ANO2: variants seen among roughly 807,000 people sequenced by gnomAD.
ANO2 encodes anoctamin 2, also known as anoctamin-2.
ANO2 carries 101 observed loss-of-function variants against 124.2 expected under a neutral mutation model. The observed-to-expected ratio is 0.81, with a 90% confidence interval of 0.69 to 0.96. ANO2 has a LOEUF of 0.96. ANO2 is among the 40% of genes least tolerant of loss of function. The probability of loss-of-function intolerance (pLI) is 0.00; values close to 1 mark genes in which losing one functional copy is unlikely to be tolerated. For synonymous variants in ANO2, 486 were observed against 482.5 expected (o/e 1.01, Z -0.09); for missense variants, 1,293 against 1,274.5 (o/e 1.01, Z -0.22).
intron 1 of ANO2, among the ~76,000 whole-genome samples, 195 bp downstream of exon 1, chr12:5,945,001 A>G (rs570611107): frequency 3.5e-4 from 53 of 150,484 alleles, no homozygotes; most frequent in African/African-American, 1.2e-3. Flanking sequence ...AAAAACAAAA[A>G]ACGTCTCGGA....
chr12:5,704,697 A>ATGTG (rs3067798), intron 14 of ANO2, among the ~76,000 whole-genome samples: 4,626 of 148,668 alleles, frequency 0.031, 192 homozygotes, highest in East Asian at 0.095. Context: ...TGGTGTGTGT[A>ATGTG]TGTGTGTGTG....
intron 4 of ANO2, among the ~76,000 whole-genome samples, chr12:5,852,848 C>CGTGTGTGTGTGTGTGTGTGT (rs71445682): frequency 8.1e-6 from 1 of 123,880 alleles, no homozygotes; most frequent in Non-Finnish European, 1.7e-5. Context: ...TGGAAAGGGA[C>CGTGTGTGTGTGTGTGTGTGT]GTGTGTGTGT....
chr12:5,667,879 A>G (rs7973353), intron 14 of ANO2, among the ~76,000 whole-genome samples: 65,805 of 152,130 alleles, frequency 0.43, 15,520 homozygotes, highest in Middle Eastern at 0.59. Flanking sequence ...CAAAGAACAT[A>G]ATAACATTCC....
Position 5,732,512 on chromosome 12 carries a change from C to A in ANO2, c.1545+8G>T. On this transcript the variant is annotated splice_region_variant and intron_variant, in intron 14 of 24. Coordinates refer to ENST00000682330, the MANE Select transcript of ANO2 (RefSeq NM_001364791.2). Reference sequence around the variant, plus strand: ...AGAGGACCGTGAGCAGCAAGTCCAGCTTCATACCTCATCGCCACACTCCGT... The same window carrying A: ...AGAGGACCGTGAGCAGCAAGTCCAGATTCATACCTCATCGCCACACTCCGT... 1.2e-6 allele frequency: 2 copies of A among 1,608,770 alleles called. No individual in the cohort carries two copies. Among genetic ancestry groups the A allele is most frequent in the Non-Finnish European group, 8.5e-7 (1 of 1,177,254 alleles).
chr12:5,780,809 A>G (rs1451188355), intron 10 of ANO2, among the ~76,000 whole-genome samples: 2 of 152,176 alleles, frequency 1.3e-5, no homozygotes, highest in African/African-American at 4.8e-5. Context: ...GTATATTTTG[A>G]AGGAGGCCCT....
rs918489552 is a variant in ANO2 at position 5,828,344 on chromosome 12, G to C, written c.841-524C>G. 3.9e-5 allele frequency among the ~76,000 whole-genome samples: 6 copies of C among 152,204 alleles called. No homozygotes were observed. The East Asian group carries it at 5.8e-4, about 15-fold the overall frequency. On this transcript the variant is annotated intron_variant, in intron 6 of 24. Coordinates refer to ENST00000682330, the MANE Select transcript of ANO2 (RefSeq NM_001364791.2). ...AGCTCCGAACGTGGAGGTAGGTGCAGAGGGTCCTGAGCAAACGCCAAGAGG... is the reference window on the plus strand; with the variant it reads ...AGCTCCGAACGTGGAGGTAGGTGCACAGGGTCCTGAGCAAACGCCAAGAGG...
At chr12:5,583,198 T>C (rs1942852179) in intron 20 of ANO2, among the ~76,000 whole-genome samples, 3 of 152,224 alleles carry the variant, frequency 2.0e-5, no homozygotes, top group Admixed American at 2.0e-4. Context: ...CTGAGAGCAC[T>C]GCACTTGCTG....
chr12:5,922,526 G>T, intron 2 of ANO2, 94 bp downstream of exon 2: 1 of 1,341,364 alleles, frequency 7.5e-7, no homozygotes, highest in Non-Finnish European at 9.9e-7. Context: ...GCACACATGT[G>T]CTCCCAACTG....
chr12:5,610,577 TTATATTTATATTTATAAA>T (rs1246969444), intron 19 of ANO2, among the ~76,000 whole-genome samples: 29 of 142,620 alleles, frequency 2.0e-4, no homozygotes, highest in South Asian at 1.5e-3. Context: ...ACAAATATAT[TTATATTTATATTTATAAA>T]TATATTTATA....
intron 16 of ANO2, among the ~76,000 whole-genome samples, chr12:5,616,353 C>T (rs1944807558): frequency 1.3e-5 from 2 of 152,182 alleles, no homozygotes; most frequent in Non-Finnish European, 1.5e-5. Context: ...GCATCTCTCT[C>T]AGGCCTCTTA....
At chr12:5,871,595 C>G (rs910085080) in intron 3 of ANO2, among the ~76,000 whole-genome samples, 1 of 152,124 alleles carries the variant, frequency 6.6e-6, no homozygotes, top group Non-Finnish European at 1.5e-5. Flanking sequence ...TCTGTGCACG[C>G]AAGGGATCTA....
intron 10 of ANO2, among the ~76,000 whole-genome samples, chr12:5,765,871 T>C (rs1000464833): frequency 5.3e-5 from 8 of 152,076 alleles, no homozygotes; most frequent in African/African-American, 1.9e-4. Context: ...TGCTAAGAAA[T>C]AGATAATCCA....
chr12:5,583,448 T>A (rs1211854709), intron 20 of ANO2, among the ~76,000 whole-genome samples: 1 of 151,734 alleles, frequency 6.6e-6, no homozygotes, highest in Non-Finnish European at 1.5e-5. Context: ...GGTCAGGAGA[T>A]CGAGACCATC....
At chr12:5,688,446 A>G (rs1451124418) in intron 14 of ANO2, among the ~76,000 whole-genome samples, 1 of 152,044 alleles carries the variant, frequency 6.6e-6, no homozygotes, top group Non-Finnish European at 1.5e-5. Flanking sequence ...CTCACAAAGG[A>G]TTTTCTTCCA....
At chr12:5,903,676 TGG>T (rs33910793) in intron 3 of ANO2, among the ~76,000 whole-genome samples, 1 of 149,696 alleles carries the variant, frequency 6.7e-6, no homozygotes. Context: ...TGTGTGTGTG[TGG>T]GTGTAGACAG....
chr12:5,866,144 G>C (rs907754203), intron 3 of ANO2, among the ~76,000 whole-genome samples: 6 of 152,178 alleles, frequency 3.9e-5, no homozygotes, highest in African/African-American at 1.4e-4. Flanking sequence ...TTGTAATGTG[G>C]TCAAAATCAA....
At position 5,666,682 on chromosome 12, in the gene ANO2, T is replaced by C. The variant is rs576057872; in HGVS notation, c.1546-18881A>G. Among the ~76,000 whole-genome samples, 13 of 152,292 alleles carry C rather than the reference T, an allele frequency of 8.5e-5. No individual in the cohort carries two copies. The South Asian group carries it at 2.7e-3, about 32-fold the overall frequency. ...CCCCCTGATCTCCAAAAGTTGGCCA[T>C]TTAGATGTTCTCAGATGAAGACTCT... On this transcript the variant is annotated intron_variant, in intron 14 of 24. Coordinates refer to ENST00000682330, the MANE Select transcript of ANO2 (RefSeq NM_001364791.2).
chr12:5,916,492 TAAAAAAA>T (rs57056611), intron 3 of ANO2, among the ~76,000 whole-genome samples: 12 of 93,156 alleles, frequency 1.3e-4, no homozygotes, highest in Admixed American at 6.3e-4. Context: ...CGCAGCAGGT[TAAAAAAA>T]AAAAAAAAAA....
chr12:5,911,016 C>T (rs989501993), intron 3 of ANO2, among the ~76,000 whole-genome samples: 7 of 152,300 alleles, frequency 4.6e-5, no homozygotes, highest in Non-Finnish European at 7.4e-5. Context: ...CCAGCATCTG[C>T]GGGCAGGGAG....
Sources: allele counts gnomAD v4.1 joint callset (sites outside exome capture counted in the v4.1 genomes callset), GRCh38; gene constraint gnomAD v4.1.1; transcripts MANE v1.5; gene names NCBI Gene and HGNC (gene_info 2026-07-23, HGNC 2026-07-21).